TNFSF11: variants seen among roughly 807,000 people sequenced by gnomAD.
TNFSF11 encodes the protein TNF superfamily member 11.
TNFSF11 carries 12 observed loss-of-function variants against 32.2 expected under a neutral mutation model. The observed-to-expected ratio is 0.37, with a 90% CI of 0.24 to 0.60. TNFSF11 has a LOEUF of 0.60. Ranked by LOEUF, TNFSF11 falls within the 20% of genes least tolerant of loss-of-function variation. The pLI, the probability that TNFSF11 is intolerant of heterozygous loss-of-function variation, is 0.66. For synonymous variants in TNFSF11, 172 were observed against 152.1 expected (o/e 1.13, Z -0.96); for missense variants, 345 against 398.0 (o/e 0.87, Z 1.13).
rs1555310745 is a variant in TNFSF11 at position 42,599,349 on chromosome 13, C to CATCCATCTATCTATCT, written c.388-1400_388-1399insCATCTATCTATCTATC. 1.7e-3 allele frequency among the ~76,000 whole-genome samples: 193 copies of CATCCATCTATCTATCT among 112,246 alleles called. 1 individual carries two copies. Among genetic ancestry groups the CATCCATCTATCTATCT allele is most frequent in the South Asian group, 0.011 (32 of 2,810 alleles). 73.6% of individuals were successfully genotyped at this position (112,246 alleles called of 152,430 possible). ...TCTATCTATCTATCTATCTATCTATCATCTATCTATCTATCTATCTATCTA... is the reference window on the plus strand; with the variant it reads ...TCTATCTATCTATCTATCTATCTATCATCCATCTATCTATCTATCTATCTATCTATCTATCTATCTA... On this transcript the variant is annotated intron_variant, in intron 2 of 4. Transcript: ENST00000398795.
chr13:42,574,369 CG>C lies in TNFSF11; in HGVS notation c.68del (p.Gly23GlufsTer69). ...RGSEEMGGGPGAPHEGPLHAP... is the reference protein window; with the variant it reads ...RGSEEMGGGPXAPHEGPLHAP... Reference sequence around the variant, plus strand: ...GCTCGGAGGAGATGGGCGGCGGCCCCGGAGCCCCGCACGAGGGCCCCCTGCA... The same window carrying C: ...GCTCGGAGGAGATGGGCGGCGGCCCCGAGCCCCGCACGAGGGCCCCCTGCA... On this transcript the variant is annotated frameshift_variant, in exon 1 of 5. Coordinates refer to ENST00000398795, the MANE Select transcript of TNFSF11 (RefSeq NM_003701.4). LOFTEE classifies it high-confidence loss of function. 6.5e-7 allele frequency: 1 copy of C among 1,542,258 alleles called. No homozygotes were observed. The highest frequency in any genetic ancestry group is 8.7e-7 in the Non-Finnish European group (1 of 1,145,276).
intron 1 of TNFSF11, among the ~76,000 whole-genome samples, 175 bp downstream of exon 1, chr13:42,574,697 G>C (rs565480419): frequency 1.3e-5 from 2 of 152,194 alleles, no homozygotes; most frequent in South Asian, 2.1e-4. Flanking sequence ...CCTGGCGCAG[G>C]GCTGTCGGGC....
intron 4 of TNFSF11, among the ~76,000 whole-genome samples, chr13:42,604,924 C>T (rs374079814): frequency 6.6e-6 from 1 of 152,156 alleles, no homozygotes; most frequent in Non-Finnish European, 1.5e-5. Context: ...GCTGGGATTA[C>T]GGGCGCCTGC....
chr13:42,593,798 G>A (rs946410236), intron 2 of TNFSF11, among the ~76,000 whole-genome samples: 1 of 152,190 alleles, frequency 6.6e-6, no homozygotes, highest in Admixed American at 6.5e-5. Flanking sequence ...TGTTCAACCA[G>A]CCAGATGTCT....
At chr13:42,563,133 G>T (rs974624199) in intron 1 of TNFSF11, among the ~76,000 whole-genome samples, 1 of 152,158 alleles carries the variant, frequency 6.6e-6, no homozygotes, top group Non-Finnish European at 1.5e-5. Context: ...ACCAACCCAG[G>T]TTATAACTTT....
upstream of TNFSF11, among the ~76,000 whole-genome samples, chr13:42,573,634 G>T (rs1288201587): frequency 1.3e-5 from 2 of 152,176 alleles, no homozygotes; most frequent in African/African-American, 4.8e-5. Flanking sequence ...TGCAGAAATA[G>T]GGATTTGGGA....
chr13:42,586,025 A>G (rs897507070), intron 2 of TNFSF11, among the ~76,000 whole-genome samples: 1 of 152,240 alleles, frequency 6.6e-6, no homozygotes, highest in East Asian at 1.9e-4. Context: ...GACTTTCTGT[A>G]TATGTATTTT....
At chr13:42,600,321 G>A (rs947975938) in intron 2 of TNFSF11, among the ~76,000 whole-genome samples, 3 of 152,098 alleles carry the variant, frequency 2.0e-5, no homozygotes, top group African/African-American at 7.2e-5. Context: ...CTGAGCTTTA[G>A]TATTATAACA....
chr13:42,599,349 C>CT (rs11385072), intron 2 of TNFSF11, among the ~76,000 whole-genome samples: 50,821 of 111,662 alleles, frequency 0.46, 11,977 homozygotes, highest in Middle Eastern at 0.51. Flanking sequence ...ATCTATCTAT[C>CT]ATCTATCTAT....
intron 1 of TNFSF11, among the ~76,000 whole-genome samples, chr13:42,566,222 A>T (rs1188288477): frequency 6.6e-6 from 1 of 152,206 alleles, no homozygotes; most frequent in Non-Finnish European, 1.5e-5. Flanking sequence ...TCTACTTGAA[A>T]TTTCCAGCCA....
At chr13:42,564,078 AT>A (rs527547571) in intron 1 of TNFSF11, among the ~76,000 whole-genome samples, 104 of 151,772 alleles carry the variant, frequency 6.9e-4, no homozygotes, top group African/African-American at 2.0e-3. Context: ...TGAATTCACT[AT>A]TTTTTTTATT....
chr13:42,595,237 T>C (rs919724496), intron 2 of TNFSF11, among the ~76,000 whole-genome samples: 37 of 152,212 alleles, frequency 2.4e-4, no homozygotes, highest in African/African-American at 8.9e-4. Flanking sequence ...GGTTGCTCTC[T>C]TTGGTAGTTC....
intron 4 of TNFSF11, among the ~76,000 whole-genome samples, chr13:42,602,137 C>T (rs1869208916): frequency 6.6e-6 from 1 of 152,168 alleles, no homozygotes; most frequent in Non-Finnish European, 1.5e-5. Context: ...ATCTGACTGC[C>T]TGGGTTTGAG....
rs1395570092 is a variant in TNFSF11 at position 42,591,397 on chromosome 13, T to A, written c.388-9355T>A. Among the ~76,000 whole-genome samples, 5 of 152,034 alleles carry A rather than the reference T, an allele frequency of 3.3e-5. No homozygotes were observed. In the East Asian group the frequency reaches 9.7e-4, roughly 29 times the overall value. ...CTTGCCCACCTCATGATTTTTCCCCTCTCCTCTGGGGAGGGTGAGGACCTG... is the reference window on the plus strand; with the variant it reads ...CTTGCCCACCTCATGATTTTTCCCCACTCCTCTGGGGAGGGTGAGGACCTG... On this transcript the variant is annotated intron_variant, in intron 2 of 4. Transcript: ENST00000398795.
In TNFSF11 at chr13:42,566,424, C is replaced by T. The variant is rs1021809163; in HGVS notation, c.-301-197C>T. On this transcript the variant is annotated intron_variant, in intron 1 of 6. Coordinates refer to the TNFSF11 transcript ENST00000358545. ...GGTATCACCCAAAGGGTCTCAGGAG[C>T]TTGAAAGAGGGACTTGAATCAAATA... Among the ~76,000 whole-genome samples, 4 of 152,120 alleles carry T rather than the reference C, an allele frequency of 2.6e-5. No homozygotes were observed. The South Asian group carries it at 6.2e-4, about 24-fold the overall frequency.
Position 42,606,688 on chromosome 13 carries a change from G to A in TNFSF11, c.724G>A (p.Val242Ile), listed in dbSNP as rs754256379. 7.4e-5 allele frequency: 119 copies of A among 1,614,100 alleles called. No individual in the cohort carries two copies. The highest frequency in any genetic ancestry group is 2.2e-4 in the Admixed American group (13 of 60,014). The stretch of plus-strand genomic sequence containing the variant: ...AGAGTATCTTCAACTAATGGTGTAC[G>A]TCACTAAAACCAGCATCAAAATCCC... ...ATEYLQLMVY[V>I]TKTSIKIPSS... is the part of the protein sequence containing the mutation. The change falls in exon 5 of 5, where the codon GTC becomes ATC. Residue 242 changes from valine to isoleucine, a missense_variant. Around this residue, in one of 2 missense-constraint regions of TNFSF11, gnomAD observed 148 missense variants for 216.0 expected, o/e 0.69. Transcript: ENST00000398795.
In TNFSF11 at chr13:42,607,673, A is replaced by G. The variant is rs1156683137; in HGVS notation, c.*755A>G. On this transcript the variant is annotated 3_prime_UTR_variant, in exon 5 of 5. Transcript: ENST00000398795. ...CAGACTTGTCAAGCCTGTGCAAAAA[A>G]ATTAAAATGGATGCCTTGAATAATA... 1.3e-5 allele frequency: 2 copies of G among 152,762 alleles called. No homozygotes were observed. Among genetic ancestry groups the G allele is most frequent in the Admixed American group, 6.5e-5 (1 of 15,274 alleles). 9.5% of individuals were successfully genotyped at this position (152,762 alleles called of 1,614,324 possible). A position where few individuals can be genotyped will look rare whatever the true frequency, so the allele number is the denominator to read the frequency against.
At chr13:42,600,495 G>A (rs189584800) in intron 2 of TNFSF11, among the ~76,000 whole-genome samples, 24 of 152,164 alleles carry the variant, frequency 1.6e-4, no homozygotes, top group African/African-American at 4.1e-4. Context: ...AATCTACATC[G>A]TCTTTTACTT....
At chr13:42,591,154 G>A (rs1335092711) in intron 2 of TNFSF11, among the ~76,000 whole-genome samples, 3 of 152,222 alleles carry the variant, frequency 2.0e-5, no homozygotes, top group African/African-American at 4.8e-5. Context: ...GAGTGCAGTG[G>A]TAGTGGTGGT....
Sources: allele counts gnomAD v4.1 joint callset (sites outside exome capture counted in the v4.1 genomes callset), GRCh38; gene constraint gnomAD v4.1.1; regional missense constraint gnomAD v4.1.1; transcripts MANE v1.5; gene names NCBI Gene and HGNC (gene_info 2026-07-23, HGNC 2026-07-21).